The following ATF3 variants were observed in gnomAD, a reference collection of about 807,000 sequenced individuals.
ATF3 encodes the protein activating transcription factor 3.
A neutral mutation model predicts 18.4 loss-of-function variants in ATF3; 10 were observed. That is an observed-to-expected ratio of 0.54 (90% CI 0.34 to 0.92). The LOEUF is 0.92. Ranked by LOEUF, ATF3 falls within the 40% of genes least tolerant of loss-of-function variation. ATF3 has a pLI of 0.02. For missense variants in ATF3, 183 were observed against 222.3 expected (o/e 0.82, Z 1.12); for synonymous variants, 78 against 87.9 (o/e 0.89, Z 0.63).
chr1:212,601,959 G>C (rs1444281104), intron 1 of ATF3, among the ~76,000 whole-genome samples: 2 of 152,002 alleles, frequency 1.3e-5, no homozygotes, highest in African/African-American at 4.8e-5. Flanking sequence ...ATATTTATTG[G>C]GCATGTGAGA....
chr1:212,570,478 T>A (rs1308353372), intron 1 of ATF3, among the ~76,000 whole-genome samples: 2 of 152,226 alleles, frequency 1.3e-5, no homozygotes, highest in Non-Finnish European at 2.9e-5. Flanking sequence ...AGGTGATGGT[T>A]GCACATATCT....
intron 1 of ATF3, among the ~76,000 whole-genome samples, chr1:212,598,798 T>C (rs1235781250): frequency 6.6e-6 from 1 of 152,262 alleles, no homozygotes; most frequent in African/African-American, 2.4e-5. Context: ...TATCTCATTC[T>C]TTTTTATAAC....
chr1:212,609,767 G>A (rs1654818038), intron 1 of ATF3, among the ~76,000 whole-genome samples: 1 of 152,240 alleles, frequency 6.6e-6, no homozygotes, highest in Admixed American at 6.5e-5. Flanking sequence ...CACTTGTGCA[G>A]ATATTTGAGA....
chr1:212,591,217 C>T lies in ATF3; in HGVS notation c.-4-23801C>T, dbSNP rs189234272. On this transcript the variant is annotated intron_variant, in intron 1 of 3. Coordinates refer to the ATF3 transcript ENST00000366981. ...AAGGGCATGTGTTAAGACCCATCTT[C>T]CTAACGGAGCCTCCTGCACCGCAGT... 1.4e-3 allele frequency among the ~76,000 whole-genome samples: 219 copies of T among 152,292 alleles called. 1 individual carries two copies. The highest frequency in any genetic ancestry group is 2.1e-3 in the South Asian group (10 of 4,824).
chr1:212,586,997 GC>G (rs1366666428), intron 1 of ATF3, among the ~76,000 whole-genome samples: 1 of 152,216 alleles, frequency 6.6e-6, no homozygotes. Flanking sequence ...GTGCAGAGAA[GC>G]TCTGGGGACT....
chr1:212,618,371 A>T lies in ATF3; in HGVS notation c.348+137A>T. On this transcript the variant is annotated intron_variant, in intron 3 of 3. Coordinates refer to ENST00000341491, the MANE Select transcript of ATF3 (RefSeq NM_001674.4). The surrounding 1 kb of genome is among the most constrained non-coding windows in gnomAD (Gnocchi z 4.4). Reference sequence around the variant, plus strand: ...GAAGGGCCTTGTAGCTGGTAGCAGAAATGCCAGTTGCAGAATGAGGAGGTG... The same window carrying T: ...GAAGGGCCTTGTAGCTGGTAGCAGATATGCCAGTTGCAGAATGAGGAGGTG... The T allele has an allele frequency of 1.1e-6, 1 of 877,534 alleles. No individual in the cohort carries two copies. The highest frequency in any genetic ancestry group is 1.3e-5 in the South Asian group (1 of 74,314). 54.4% of individuals were successfully genotyped at this position (877,534 alleles called of 1,614,324 possible).
At chr1:212,611,727 G>A (rs1283805299) in intron 1 of ATF3, among the ~76,000 whole-genome samples, 1 of 152,208 alleles carries the variant, frequency 6.6e-6, no homozygotes, top group Non-Finnish European at 1.5e-5. Context: ...TGTAGCTGTA[G>A]CTACTAGGAA....
intron 1 of ATF3, among the ~76,000 whole-genome samples, chr1:212,584,319 A>G (rs112160432): frequency 6.6e-6 from 1 of 152,108 alleles, no homozygotes; most frequent in South Asian, 2.1e-4. Context: ...ATGCATGTGT[A>G]TAAGAGATTT....
At chr1:212,588,024 G>T (rs1664811844) in intron 1 of ATF3, among the ~76,000 whole-genome samples, 1 of 151,508 alleles carries the variant, frequency 6.6e-6, no homozygotes, top group Non-Finnish European at 1.5e-5. Context: ...AGCGATTATG[G>T]GAGGTGAGTG....
At chr1:212,584,005 C>T (rs543755617) in intron 1 of ATF3, among the ~76,000 whole-genome samples, 35 of 152,150 alleles carry the variant, frequency 2.3e-4, no homozygotes, top group African/African-American at 6.7e-4. Flanking sequence ...GTAGGTGAAA[C>T]GCAAGAAAGC....
chr1:212,603,305 G>C (rs1232934478), intron 1 of ATF3, among the ~76,000 whole-genome samples: 4 of 152,212 alleles, frequency 2.6e-5, no homozygotes, highest in African/African-American at 9.6e-5. Flanking sequence ...CTGCTTCAAG[G>C]TAGATGAAGA....
Position 212,618,880 on chromosome 1 carries a change from C to G in ATF3, c.349-478C>G, listed in dbSNP as rs889464437. 7.0e-6 allele frequency: 6 copies of G among 853,080 alleles called. No homozygotes were observed. Among genetic ancestry groups the G allele is most frequent in the Non-Finnish European group, 1.1e-5 (6 of 532,896 alleles). 52.8% of individuals were successfully genotyped at this position (853,080 alleles called of 1,614,324 possible). A position where few individuals can be genotyped will look rare whatever the true frequency, so the allele number is the denominator to read the frequency against. ...GACAGGCCATGACAGAGTCTTAGCC[C>G]AAGTCCCACAGATCCCCAAAAGTTC... is the stretch of plus-strand genomic sequence containing the variant. On this transcript the variant is annotated intron_variant, in intron 3 of 3. Transcript: ENST00000341491. This position sits in a 1 kb window ranked among gnomAD's most constrained non-coding sequence, Gnocchi z 4.4.
At chr1:212,594,807 T>G (rs996077675) in intron 1 of ATF3, among the ~76,000 whole-genome samples, 5 of 152,224 alleles carry the variant, frequency 3.3e-5, no homozygotes, top group Admixed American at 3.3e-4. Context: ...CTGAAGCTAC[T>G]GGGCCCCTTA....
chr1:212,567,846 T>C (rs1664411287), intron 1 of ATF3, among the ~76,000 whole-genome samples: 1 of 152,154 alleles, frequency 6.6e-6, no homozygotes, highest in African/African-American at 2.4e-5. Flanking sequence ...CTGAGAGCCG[T>C]GGAGTGCAGT....
chr1:212,615,718 C>T (rs918197900), intron 2 of ATF3, among the ~76,000 whole-genome samples: 7 of 151,106 alleles, frequency 4.6e-5, no homozygotes, highest in African/African-American at 1.5e-4. Flanking sequence ...GTGGGAGGAC[C>T]GCTTGAGCCC....
intron 1 of ATF3, among the ~76,000 whole-genome samples, chr1:212,596,986 C>A (rs1258511873): frequency 2.0e-5 from 3 of 152,206 alleles, no homozygotes; most frequent in Non-Finnish European, 4.4e-5. Flanking sequence ...ATACAGTAGG[C>A]ACTCAATACA....
At chr1:212,577,008 G>A (rs1206595801) in intron 1 of ATF3, among the ~76,000 whole-genome samples, 1 of 152,016 alleles carries the variant, frequency 6.6e-6, no homozygotes, top group African/African-American at 2.4e-5. Flanking sequence ...CGGGATTACA[G>A]GCGTGAGCCA....
intron 1 of ATF3, among the ~76,000 whole-genome samples, chr1:212,576,716 C>CTTTTTTTTTTTTTTTTTT (rs761124416): frequency 2.6e-5 from 2 of 78,258 alleles, no homozygotes; most frequent in African/African-American, 1.0e-4. Flanking sequence ...CTTTTCTTTT[C>CTTTTTTTTTTTTTTTTTT]TTTTCTTTTT....
rs189122260 is a variant in ATF3, at chr1:212,586,672, C to A, written c.-5+21189C>A. On this transcript the variant is annotated intron_variant, in intron 1 of 3. Transcript: ENST00000366981. ...CATGCCTCAAGAGTGACAGCATGAG[C>A]CCTCTGGAAGCCAGACATGAATTGA... Among the ~76,000 whole-genome samples, 5 of 152,292 alleles carry A rather than the reference C, an allele frequency of 3.3e-5. No individual in the cohort carries two copies. The East Asian group carries it at 9.6e-4, about 29-fold the overall frequency.
Sources: allele counts gnomAD v4.1 joint callset (sites outside exome capture counted in the v4.1 genomes callset), GRCh38; gene constraint gnomAD v4.1.1; non-coding constraint Gnocchi (gnomAD v3.1); transcripts MANE v1.5; gene names NCBI Gene and HGNC (gene_info 2026-07-23, HGNC 2026-07-21).